SLC4A10: variants seen among roughly 807,000 people sequenced by gnomAD.
SLC4A10 encodes sodium-driven chloride bicarbonate exchanger.
A neutral mutation model predicts 137.7 loss-of-function variants in SLC4A10; 42 were observed. That is an observed-to-expected ratio of 0.30 (90% CI 0.24 to 0.39). SLC4A10 has a LOEUF of 0.39. Among genes scored for constraint, SLC4A10 ranks in the 10% least tolerant of loss-of-function variants. SLC4A10 has a pLI of 1.00. For synonymous variants in SLC4A10, 474 were observed against 464.1 expected, an observed-to-expected ratio of 1.02 and a Z score of -0.27; for missense variants, 925 against 1,355.0, an observed-to-expected ratio of 0.68 and a Z score of 4.98.
At chr2:161,776,856 G>GGTGT (rs71009340) in intron 2 of SLC4A10, among the ~76,000 whole-genome samples, 7,825 of 143,170 alleles carry the variant, frequency 0.055, 301 homozygotes, top group African/African-American at 0.12. Flanking sequence ...CTTATTTTCT[G>GGTGT]GTGTGTGTGT....
intron 1 of SLC4A10, among the ~76,000 whole-genome samples, chr2:161,723,665 T>C (rs2045928012): frequency 6.6e-6 from 1 of 152,202 alleles, no homozygotes; most frequent in Non-Finnish European, 1.5e-5. Flanking sequence ...TGTTGGTGGC[T>C]CTTAATAGTG....
At chr2:161,732,381 A>G (rs930805011) in intron 1 of SLC4A10, among the ~76,000 whole-genome samples, 2 of 152,184 alleles carry the variant, frequency 1.3e-5, no homozygotes, top group Non-Finnish European at 2.9e-5. Flanking sequence ...GGAGAGTCCA[A>G]GGATTTTTGG....
intron 1 of SLC4A10, among the ~76,000 whole-genome samples, chr2:161,698,290 C>T (rs1472465095): frequency 2.0e-5 from 3 of 152,114 alleles, no homozygotes; most frequent in African/African-American, 7.2e-5. Flanking sequence ...TAATTGAATA[C>T]CCTTTATTTC....
chr2:161,774,781 C>A (rs1288221888), intron 2 of SLC4A10, among the ~76,000 whole-genome samples: 1 of 151,878 alleles, frequency 6.6e-6, no homozygotes, highest in Non-Finnish European at 1.5e-5. Flanking sequence ...TCTCCCTGTA[C>A]CAAACAAATT....
At chr2:161,849,840 A>G (rs2059723963) in intron 4 of SLC4A10, among the ~76,000 whole-genome samples, 1 of 152,046 alleles carries the variant, frequency 6.6e-6, no homozygotes, top group Non-Finnish European at 1.5e-5. Context: ...TATGTTTATC[A>G]GGGGTATTGG....
At chr2:161,747,607 G>A (rs1218432891) in intron 1 of SLC4A10, among the ~76,000 whole-genome samples, 1 of 152,132 alleles carries the variant, frequency 6.6e-6, no homozygotes, top group Non-Finnish European at 1.5e-5. Flanking sequence ...ATGATCATTG[G>A]AAGGTTCTGT....
intron 15 of SLC4A10, among the ~76,000 whole-genome samples, chr2:161,933,746 A>T (rs1232848456): frequency 6.6e-6 from 1 of 152,170 alleles, no homozygotes; most frequent in African/African-American, 2.4e-5. Flanking sequence ...ACTTAGGTTG[A>T]TTCCATATCT....
At chr2:161,663,999 G>A (rs1024873848) in intron 1 of SLC4A10, among the ~76,000 whole-genome samples, 3 of 152,018 alleles carry the variant, frequency 2.0e-5, no homozygotes, top group East Asian at 1.9e-4. Context: ...ATGATGCTGG[G>A]GAGCATTTCT....
chr2:161,729,934 C>T (rs2046653666), intron 1 of SLC4A10, among the ~76,000 whole-genome samples: 3 of 151,986 alleles, frequency 2.0e-5, no homozygotes, highest in Non-Finnish European at 4.4e-5. Context: ...ATGTGGCTGC[C>T]CAAATCCATA....
chr2:161,808,124 G>T (rs1263048236), intron 3 of SLC4A10, among the ~76,000 whole-genome samples: 1 of 151,382 alleles, frequency 6.6e-6, no homozygotes, highest in Non-Finnish European at 1.5e-5. Flanking sequence ...TGCTTTTCTT[G>T]GTTGATATTT....
chr2:161,843,424 C>G (rs1423642170), intron 4 of SLC4A10, among the ~76,000 whole-genome samples: 1 of 151,978 alleles, frequency 6.6e-6, no homozygotes, highest in East Asian at 1.9e-4. Flanking sequence ...ATTAGATGGA[C>G]CTATGTTTGT....
At chr2:161,933,208 TTTCTTTCTTTC>T (rs1413735951) in intron 15 of SLC4A10, among the ~76,000 whole-genome samples, 2 of 137,636 alleles carry the variant, frequency 1.5e-5, no homozygotes, top group Non-Finnish European at 3.2e-5. Context: ...TCTTTCTTTC[TTTCTTTCTTTC>T]TTTCTTTCTT....
At chr2:161,825,868 A>G (rs1388138488) in intron 3 of SLC4A10, among the ~76,000 whole-genome samples, 1 of 152,202 alleles carries the variant, frequency 6.6e-6, no homozygotes, top group Admixed American at 6.5e-5. Flanking sequence ...CTTTATAGCC[A>G]GCCTCTGTGT....
At chr2:161,778,144 C>A (rs1238685859) in intron 2 of SLC4A10, among the ~76,000 whole-genome samples, 1 of 151,910 alleles carries the variant, frequency 6.6e-6, no homozygotes, top group Non-Finnish European at 1.5e-5. Flanking sequence ...AATATTATTA[C>A]AGACTTTCTG....
At chr2:161,779,042 T>C (rs1040112696) in intron 2 of SLC4A10, among the ~76,000 whole-genome samples, 4 of 151,992 alleles carry the variant, frequency 2.6e-5, no homozygotes, top group African/African-American at 9.7e-5. Flanking sequence ...TCAAAAACTA[T>C]GGCACCGGCA....
At chr2:161,668,077 A>G (rs1175967682) in intron 1 of SLC4A10, among the ~76,000 whole-genome samples, 4 of 151,822 alleles carry the variant, frequency 2.6e-5, no homozygotes. Context: ...GAAAAATTGT[A>G]GTTGCAGTAC....
Position 161,855,047 on chromosome 2 carries a change from A to G in SLC4A10, c.494A>G (p.His165Arg). ...SKPYVATLSL[H>R]SLFELRSCIL... ...CCTTATGTGGCTACTCTTTCATTGC[A>G]CAGCTTGTTTGAATTGAGAAGTTGT... Residue 165 changes from histidine to arginine, a missense_variant, in exon 5 of 27, where the codon CAC becomes CGC. Around this residue, in one of 11 missense-constraint regions of SLC4A10, gnomAD observed 277 missense variants for 306.1 expected, o/e 0.90. Transcript: ENST00000446997. 7 of 1,613,494 alleles carry G rather than the reference A, an allele frequency of 4.3e-6. No homozygotes were observed. Among genetic ancestry groups the G allele is most frequent in the Non-Finnish European group, 5.9e-6 (7 of 1,179,634 alleles).
rs147908343 is a variant in SLC4A10, at chr2:161,671,711, G to A, written c.48+47145G>A. 5.3e-5 allele frequency among the ~76,000 whole-genome samples: 8 copies of A among 151,974 alleles called. No individual in the cohort carries two copies. The East Asian group carries it at 9.7e-4, about 18-fold the overall frequency. On this transcript the variant is annotated intron_variant, in intron 1 of 26. Transcript: ENST00000446997. ...TAAAAAAGAAAACAGACAAAACATC[G>A]TCTGAAAATAATCCAACTCTGTTAA...
chr2:161,696,573 G>A (rs1324675243), intron 1 of SLC4A10, among the ~76,000 whole-genome samples: 1 of 147,902 alleles, frequency 6.8e-6, no homozygotes, highest in East Asian at 2.0e-4. Context: ...TTTTGTTCTT[G>A]CAATAGTTTA....
Sources: gnomAD v4.1 joint callset for allele counts (sites outside exome capture counted in the v4.1 genomes callset) on GRCh38, gnomAD v4.1.1 for gene constraint, gnomAD v4.1.1 regional missense constraint, MANE v1.5 for transcripts, NCBI Gene and HGNC (gene_info 2026-07-23, HGNC 2026-07-21) for gene names.